TRHDE: variants seen among roughly 807,000 people sequenced by gnomAD.
The protein encoded by TRHDE is thyrotropin releasing hormone degrading enzyme.
TRHDE carries 72 observed loss-of-function variants against 125.7 expected under a neutral mutation model. The ratio of observed to expected loss-of-function variants is 0.57; its 90% CI spans 0.47 to 0.70. The LOEUF (loss-of-function observed/expected upper bound fraction) is 0.70, where lower values mean the gene tolerates loss of function less well. Among genes scored for constraint, TRHDE ranks in the 30% least tolerant of loss-of-function variants. The probability of loss-of-function intolerance (pLI) is 0.00; values close to 1 mark genes in which losing one functional copy is unlikely to be tolerated. For synonymous variants in TRHDE, 509 were observed against 509.1 expected (o/e 1.00, Z 0.00); for missense variants, 1,110 against 1,327.1 (o/e 0.84, Z 2.54).
intron 2 of TRHDE, among the ~76,000 whole-genome samples, chr12:72,337,491 T>A (rs1417262804): frequency 6.6e-6 from 1 of 152,040 alleles, no homozygotes; most frequent in African/African-American, 2.4e-5. Context: ...AGACAGCGAG[T>A]AGTTTCTCCC....
chr12:72,280,101 C>T (rs1879640776), intron 1 of TRHDE, among the ~76,000 whole-genome samples: 1 of 152,106 alleles, frequency 6.6e-6, no homozygotes. Context: ...CATTCTCTTC[C>T]TCCTATGCAG....
chr12:72,222,552 G>T (rs1313983439), intron 2 of TRHDE, among the ~76,000 whole-genome samples: 1 of 152,042 alleles, frequency 6.6e-6, no homozygotes, highest in African/African-American at 2.4e-5. Context: ...AAGAGGATGA[G>T]AATTTGCATT....
chr12:72,522,910 G>A (rs1000287609), intron 6 of TRHDE, among the ~76,000 whole-genome samples: 25 of 152,070 alleles, frequency 1.6e-4, no homozygotes, highest in African/African-American at 5.1e-4. Flanking sequence ...ACAGTCTGAC[G>A]GACCATTGAT....
At chr12:72,446,299 C>A (rs1335499892) in intron 3 of TRHDE, among the ~76,000 whole-genome samples, 1 of 151,378 alleles carries the variant, frequency 6.6e-6, no homozygotes, top group Non-Finnish European at 1.5e-5. Flanking sequence ...TATCCCTCCC[C>A]CTTCCCTCTG....
chr12:72,486,194 T>TCA, intron 5 of TRHDE, among the ~76,000 whole-genome samples: 3 of 152,308 alleles, frequency 2.0e-5, no homozygotes, highest in African/African-American at 7.2e-5. Context: ...GTTGCTGGGA[T>TCA]GTACCTCAGA....
rs189671258 is a variant in TRHDE, at chr12:72,480,642, C to A, written c.1584+7462C>A. Among the ~76,000 whole-genome samples the A allele has an allele frequency of 1.9e-3, 294 of 152,220 alleles. 3 individuals carry two copies. Among genetic ancestry groups the A allele is most frequent in the Non-Finnish European group, 7.8e-4 (53 of 67,996 alleles). Reference sequence around the variant, plus strand: ...ACCAGTAACTTTACAGCATTAGATGCTTTCTAAGAAGAAAACACTTACTAA... The same window carrying A: ...ACCAGTAACTTTACAGCATTAGATGATTTCTAAGAAGAAAACACTTACTAA... On this transcript the variant is annotated intron_variant, in intron 5 of 18. Coordinates refer to ENST00000261180, the MANE Select transcript of TRHDE (RefSeq NM_013381.3).
chr12:72,441,007 T>C (rs1250405295), intron 3 of TRHDE, among the ~76,000 whole-genome samples: 2 of 151,948 alleles, frequency 1.3e-5, no homozygotes, highest in African/African-American at 4.8e-5. Flanking sequence ...GATATTCATG[T>C]GTTATGACTT....
rs372894791 is a variant in TRHDE at position 72,640,102 on chromosome 12, C to T, written c.2676-12220C>T. On this transcript the variant is annotated intron_variant, in intron 15 of 18. Transcript: ENST00000261180. ...GCAATGGTGGACGCCCCTCCCCCAGCCTCGCTGCCGCCTTGCAGTTTGATC... is the reference window on the plus strand; with the variant it reads ...GCAATGGTGGACGCCCCTCCCCCAGTCTCGCTGCCGCCTTGCAGTTTGATC... Among the ~76,000 whole-genome samples the T allele has an allele frequency of 8.5e-5, 13 of 152,326 alleles. No homozygotes were observed. In the South Asian group the frequency reaches 2.1e-3, roughly 24 times the overall value.
At chr12:72,496,483 G>C (rs920202440) in intron 5 of TRHDE, among the ~76,000 whole-genome samples, 1 of 152,128 alleles carries the variant, frequency 6.6e-6, no homozygotes, top group Non-Finnish European at 1.5e-5. Context: ...CAGATCTCAT[G>C]AGACTTATTT....
intron 2 of TRHDE, among the ~76,000 whole-genome samples, chr12:72,305,318 T>C (rs368538165): frequency 1.3e-5 from 2 of 152,310 alleles, no homozygotes; most frequent in African/African-American, 4.8e-5. Context: ...TAATCCTCCC[T>C]GAAAAATGGA....
At chr12:72,386,446 T>A (rs960108148) in intron 3 of TRHDE, among the ~76,000 whole-genome samples, 1 of 152,190 alleles carries the variant, frequency 6.6e-6, no homozygotes. Flanking sequence ...CCTCATCCCA[T>A]CCTTTCTCAT....
chr12:72,283,099 G>A (rs1879755226), intron 1 of TRHDE, among the ~76,000 whole-genome samples: 1 of 152,044 alleles, frequency 6.6e-6, no homozygotes, highest in Non-Finnish European at 1.5e-5. Flanking sequence ...TACCCGTCTA[G>A]GTATATGTTT....
intron 2 of TRHDE, among the ~76,000 whole-genome samples, chr12:72,335,832 G>C (rs1195948122): frequency 6.6e-6 from 1 of 152,156 alleles, no homozygotes; most frequent in African/African-American, 2.4e-5. Flanking sequence ...TTTGAATTCA[G>C]AGCTGCCTTA....
intron 7 of TRHDE, among the ~76,000 whole-genome samples, chr12:72,559,828 C>T (rs186300654): frequency 1.3e-5 from 2 of 152,176 alleles, no homozygotes; most frequent in Admixed American, 1.3e-4. Context: ...GTGATTTCAT[C>T]TTGCCAAGTG....
At chr12:72,243,734 G>GT (rs1264970859) in intron 2 of TRHDE, among the ~76,000 whole-genome samples, 3 of 152,244 alleles carry the variant, frequency 2.0e-5, no homozygotes, top group African/African-American at 7.2e-5. Flanking sequence ...TCATCAGACT[G>GT]TTTTAAGACC....
chr12:72,395,601 G>T (rs1565726097), intron 3 of TRHDE, among the ~76,000 whole-genome samples: 1 of 151,968 alleles, frequency 6.6e-6, no homozygotes, highest in Non-Finnish European at 1.5e-5. Flanking sequence ...CAGGTTAGAT[G>T]ATATAATATA....
intron 2 of TRHDE, among the ~76,000 whole-genome samples, chr12:72,205,428 A>G (rs1877645606): frequency 6.6e-6 from 1 of 151,886 alleles, no homozygotes; most frequent in Non-Finnish European, 1.5e-5. Flanking sequence ...ATTGTTAACT[A>G]TATGTACATC....
intron 13 of TRHDE, among the ~76,000 whole-genome samples, chr12:72,619,307 A>G (rs768534428): frequency 2.0e-5 from 3 of 152,192 alleles, no homozygotes; most frequent in Non-Finnish European, 4.4e-5. Flanking sequence ...TAAAGTTCAA[A>G]CTTACTTTCC....
intron 12 of TRHDE, among the ~76,000 whole-genome samples, chr12:72,601,739 A>G (rs1207058476): frequency 1.3e-5 from 2 of 152,188 alleles, no homozygotes; most frequent in African/African-American, 2.4e-5. Context: ...TTTCTTAGCA[A>G]TAAAGCACTT....
Sources: gnomAD v4.1 joint callset for allele counts (sites outside exome capture counted in the v4.1 genomes callset) on GRCh38, gnomAD v4.1.1 for gene constraint, MANE v1.5 for transcripts, NCBI Gene and HGNC (gene_info 2026-07-23, HGNC 2026-07-21) for gene names.